Variants in SIPA1L1 observed in about 807,000 individuals in gnomAD.
SIPA1L1 encodes signal-induced proliferation-associated 1-like protein 1.
SIPA1L1 carries 26 observed loss-of-function variants against 162.7 expected under a neutral mutation model. The observed-to-expected ratio is 0.16, with a 90% CI of 0.12 to 0.22. SIPA1L1 has a LOEUF of 0.22. Among genes scored for constraint, SIPA1L1 ranks in the 10% least tolerant of loss-of-function variants. The pLI is 1.00. For synonymous variants in SIPA1L1, 829 were observed against 837.4 expected, an observed-to-expected ratio of 0.99 and a Z score of 0.17; for missense variants, 1,874 against 2,241.0, an observed-to-expected ratio of 0.84 and a Z score of 3.31.
chr14:71,368,381 A>G lies in SIPA1L1; in HGVS notation c.-465+47200A>G, dbSNP rs1289215751. ...TGTGTCCATGTGATCTCATTGTTCA[A>G]TTCCCACCTATGAGTGAGAATATGC... On this transcript the variant is annotated intron_variant, in intron 2 of 23. Coordinates refer to ENST00000381232, the MANE Select transcript of SIPA1L1 (RefSeq NM_001386936.1). Among the ~76,000 whole-genome samples, 71 of 125,444 alleles carry G rather than the reference A, an allele frequency of 5.7e-4. 2 individuals are homozygous for G. Among genetic ancestry groups the G allele is most frequent in the Middle Eastern group, 7.4e-3 (2 of 272 alleles). 82.3% of individuals were successfully genotyped at this position (125,444 alleles called of 152,430 possible).
rs74060390 is a variant in SIPA1L1, at chr14:71,686,343, A to T, written c.3374+712A>T. On this transcript the variant is annotated intron_variant, in intron 13 of 23. Transcript: ENST00000381232. ...CCTAGCACTTTTGTCTGGAGTTAAGAGTAAACTGCAGCACTTTGAACTAGA... is the reference window on the plus strand; with the variant it reads ...CCTAGCACTTTTGTCTGGAGTTAAGTGTAAACTGCAGCACTTTGAACTAGA... Among the ~76,000 whole-genome samples, 589 of 152,332 alleles carry T rather than the reference A, an allele frequency of 3.9e-3. 6 individuals are homozygous for T. Among genetic ancestry groups the T allele is most frequent in the African/African-American group, 0.014 (568 of 41,576 alleles).
intron 2 of SIPA1L1, among the ~76,000 whole-genome samples, chr14:71,506,834 T>G (rs994230868): frequency 1.3e-5 from 2 of 151,606 alleles, no homozygotes; most frequent in African/African-American, 4.8e-5. Flanking sequence ...TTTTTTTCCT[T>G]TTTTTTCTTC....
At chr14:71,465,911 G>A (rs1265813295) in intron 2 of SIPA1L1, among the ~76,000 whole-genome samples, 1 of 152,178 alleles carries the variant, frequency 6.6e-6, no homozygotes, top group Non-Finnish European at 1.5e-5. Context: ...TGGGAGGCTA[G>A]GCCAGTCTCG....
chr14:71,536,235 G>C (rs980162269), intron 4 of SIPA1L1, among the ~76,000 whole-genome samples: 6 of 152,004 alleles, frequency 3.9e-5, no homozygotes, highest in Non-Finnish European at 7.4e-5. Context: ...TGTTTTGATG[G>C]CTTCCGAGTG....
rs546620085 is a variant in SIPA1L1, at chr14:71,465,986, A to G, written c.-464-46757A>G. On this transcript the variant is annotated intron_variant, in intron 2 of 23. Transcript: ENST00000381232. ...CTGATTAGATTGTGCCCACCAGATTAAAGGTGGGCCTGCCTTCCGTAGCCC... is the reference window on the plus strand; with the variant it reads ...CTGATTAGATTGTGCCCACCAGATTGAAGGTGGGCCTGCCTTCCGTAGCCC... 8.5e-5 allele frequency among the ~76,000 whole-genome samples: 13 copies of G among 152,342 alleles called. No individual in the cohort carries two copies. In the South Asian group the frequency reaches 2.7e-3, roughly 32 times the overall value.
At chr14:71,626,071 G>A (rs2039951177) in intron 7 of SIPA1L1, among the ~76,000 whole-genome samples, 1 of 151,976 alleles carries the variant, frequency 6.6e-6, no homozygotes, top group Admixed American at 6.6e-5. Flanking sequence ...TCACAAAACT[G>A]GCCATTATTT....
intron 5 of SIPA1L1, among the ~76,000 whole-genome samples, chr14:71,608,804 G>A (rs1046377283): frequency 7.2e-5 from 11 of 152,014 alleles, no homozygotes; most frequent in African/African-American, 2.7e-4. Context: ...CTGAAGCAGA[G>A]GAATTGCTTG....
chr14:71,705,039 T>A (rs2082341091), intron 15 of SIPA1L1, 183 bp from the exon 16 acceptor site: 1 of 617,788 alleles, frequency 1.6e-6, no homozygotes, highest in Admixed American at 2.8e-5. Flanking sequence ...GCAAGCTTTA[T>A]CCATCAGCCA....
intron 17 of SIPA1L1, among the ~76,000 whole-genome samples, chr14:71,717,149 C>T (rs566747515): frequency 1.3e-5 from 2 of 152,302 alleles, no homozygotes; most frequent in South Asian, 2.1e-4. Context: ...CCACCCACCT[C>T]GGCCTCCCAA....
intron 2 of SIPA1L1, among the ~76,000 whole-genome samples, chr14:71,405,240 A>G (rs568808588): frequency 2.6e-5 from 4 of 152,248 alleles, no homozygotes; most frequent in Non-Finnish European, 5.9e-5. Context: ...TAAGCTAGGC[A>G]AAGAGCATTT....
intron 5 of SIPA1L1, among the ~76,000 whole-genome samples, chr14:71,603,354 A>T (rs149113192): frequency 2.1e-4 from 32 of 151,990 alleles, no homozygotes; most frequent in Non-Finnish European, 3.7e-4. Flanking sequence ...CAAGGTTATT[A>T]TTTATAGGGG....
intron 17 of SIPA1L1, among the ~76,000 whole-genome samples, chr14:71,719,136 G>A (rs1057135542): frequency 2.6e-5 from 4 of 151,656 alleles, no homozygotes; most frequent in African/African-American, 9.7e-5. Context: ...AACAGGGTTC[G>A]CCATATTGCC....
At chr14:71,623,866 A>AT (rs1253055394) in intron 6 of SIPA1L1, among the ~76,000 whole-genome samples, 182 bp from the exon 7 acceptor site, 1 of 152,108 alleles carries the variant, frequency 6.6e-6, no homozygotes, top group Non-Finnish European at 1.5e-5. Context: ...CATTGGTTTC[A>AT]TTTTTCATAT....
chr14:71,405,380 A>G (rs2041965087), intron 2 of SIPA1L1, among the ~76,000 whole-genome samples: 1 of 152,224 alleles, frequency 6.6e-6, no homozygotes, highest in African/African-American at 2.4e-5. Context: ...ATGAAATTGA[A>G]GAGAAATAAC....
chr14:71,530,611 G>A (rs2053345286), intron 4 of SIPA1L1, among the ~76,000 whole-genome samples: 1 of 152,080 alleles, frequency 6.6e-6, no homozygotes, highest in Non-Finnish European at 1.5e-5. Context: ...TTGATTAGCA[G>A]AAAAACAAAA....
intron 10 of SIPA1L1, among the ~76,000 whole-genome samples, chr14:71,663,739 C>T (rs2043746626): frequency 6.6e-6 from 1 of 152,192 alleles, no homozygotes; most frequent in East Asian, 1.9e-4. Flanking sequence ...CCGTTTGAAC[C>T]CCATCATTTA....
At chr14:71,508,665 G>C (rs1354305138) in intron 2 of SIPA1L1, among the ~76,000 whole-genome samples, 1 of 152,094 alleles carries the variant, frequency 6.6e-6, no homozygotes, top group Non-Finnish European at 1.5e-5. Flanking sequence ...TAACCAAAAA[G>C]TTTTCTTTTT....
In SIPA1L1 at chr14:71,689,780, A is replaced by C. The variant is rs990982550; in HGVS notation, c.3374+4149A>C. 2.6e-5 allele frequency among the ~76,000 whole-genome samples: 4 copies of C among 152,292 alleles called. No individual in the cohort carries two copies. In the East Asian group the frequency reaches 7.7e-4, roughly 29 times the overall value. On this transcript the variant is annotated intron_variant, in intron 13 of 23. Transcript: ENST00000381232. ...CTTGAGACCCCTGCACTTAACTCTT[A>C]AGAAGCTGGATGGGGGGCCTTTTTT...
At chr14:71,623,524 C>T (rs1270780726) in intron 6 of SIPA1L1, among the ~76,000 whole-genome samples, 1 of 152,176 alleles carries the variant, frequency 6.6e-6, no homozygotes, top group Non-Finnish European at 1.5e-5. Flanking sequence ...TGCTGCTGTA[C>T]TGATGGTGAT....
Sources: allele counts gnomAD v4.1 joint callset (sites outside exome capture counted in the v4.1 genomes callset), GRCh38; gene constraint gnomAD v4.1.1; transcripts MANE v1.5; gene names NCBI Gene and HGNC (gene_info 2026-07-23, HGNC 2026-07-21).